CASKIN1: variants seen among roughly 807,000 people sequenced by gnomAD.
The protein encoded by CASKIN1 is caskin-1.
A neutral mutation model predicts 117.5 loss-of-function variants in CASKIN1; 42 were observed. That is an observed-to-expected ratio of 0.36 (90% confidence interval 0.28 to 0.46). CASKIN1 has a LOEUF of 0.46. Ranked by LOEUF, CASKIN1 falls within the 20% of genes least tolerant of loss-of-function variation. CASKIN1 has a pLI of 1.00. For synonymous variants in CASKIN1, 1,148 were observed against 961.7 expected (o/e 1.19, Z -3.59); for missense variants, 2,083 against 2,077.3 (o/e 1.00, Z -0.05).
At chr16:2,195,508 T>C (rs1424695935) in intron 1 of CASKIN1, among the ~76,000 whole-genome samples, 1 of 152,146 alleles carries the variant, frequency 6.6e-6, no homozygotes, top group Non-Finnish European at 1.5e-5. Context: ...CATCCATCCA[T>C]CTCCGGCGGC....
rs747947775 is a variant in CASKIN1, at chr16:2,180,594, C to T, written c.2774G>A (p.Gly925Asp). The part of the protein sequence containing the change: ...GRSHSVRAPA[G>D]ADKNVNRSQS... The stretch of plus-strand genomic sequence containing the variant: ...GCTGCGGTTGACGTTCTTGTCGGCA[C>T]CTGCGGGCGCCCTCACTGAGTGGCT... The change falls in exon 18 of 20, where the codon GGT becomes GAT. Residue 925 changes from glycine to aspartate, a missense_variant. Physicochemically the swap from Gly to Asp is moderately conservative, Grantham distance 94 (BLOSUM62 -1). Transcript: ENST00000343516. 3.8e-6 allele frequency: 6 copies of T among 1,572,902 alleles called. No homozygotes were observed. The highest frequency in any genetic ancestry group is 1.8e-5 in the Admixed American group (1 of 55,990).
At position 2,179,990 on chromosome 16, in the gene CASKIN1, C is replaced by T; in HGVS notation, c.3378G>A (p.Arg1126=). The stretch of plus-strand genomic sequence containing the variant: ...GCTGGTTCTGCTTGGCCCGGATGCG[C>T]CTCTTGAGTGTGGCGCTGGCTTCCA... The part of the protein sequence containing the change: ...AKVEASATLK[R]RIRAKQNQQE... Residue 1126 remains arginine, a synonymous_variant, in exon 18 of 20, where the codon AGG becomes AGA. Coordinates refer to ENST00000343516, the MANE Select transcript of CASKIN1 (RefSeq NM_020764.4). The surrounding 1 kb of genome is among the most constrained non-coding windows in gnomAD (Gnocchi z 5.8). The T allele has an allele frequency of 6.2e-7, 1 of 1,605,020 alleles. No homozygotes were observed. The highest frequency in any genetic ancestry group is 1.1e-5 in the South Asian group (1 of 89,818).
Position 2,180,682 on chromosome 16 carries a change from C to A in CASKIN1, c.2686G>T (p.Asp896Tyr). Residue 896 changes from aspartate to tyrosine, a missense_variant, in exon 18 of 20, where the codon GAC becomes TAC. Asp to Tyr is a radical substitution (Grantham distance 160, BLOSUM62 -3). Transcript: ENST00000343516. ...GCAGCCGCAGGCACCAGCAGCTCGTCCCGCTCCGGCTCGCTGTCGGACGCC... is the reference window on the plus strand; with the variant it reads ...GCAGCCGCAGGCACCAGCAGCTCGTACCGCTCCGGCTCGCTGTCGGACGCC... ...YAASDSEPERDELLVPAAAGP... is the reference protein window; with the variant it reads ...YAASDSEPERYELLVPAAAGP... 6.6e-7 allele frequency: 1 copy of A among 1,507,924 alleles called. No individual in the cohort carries two copies. The allele number at this position is 1,507,924 out of a possible 1,614,324, so 93.4% of individuals were successfully genotyped here. A position where few individuals can be genotyped will look rare whatever the true frequency, so the allele number is the denominator to read the frequency against.
chr16:2,187,321 C>G (rs771491283), intron 7 of CASKIN1, 32 bp downstream of exon 7: 1 of 1,613,326 alleles, frequency 6.2e-7, no homozygotes, highest in South Asian at 1.1e-5. Context: ...CTACAGTCCA[C>G]TGGGCCCAGC....
chr16:2,178,522 G>GGC lies in CASKIN1; in HGVS notation c.*26_*27dup. 2 of 1,534,166 alleles carry GGC rather than the reference G, an allele frequency of 1.3e-6. No individual in the cohort carries two copies. The highest frequency in any genetic ancestry group is 1.7e-6 in the Non-Finnish European group (2 of 1,144,300). On this transcript the variant is annotated 3_prime_UTR_variant, in exon 20 of 20. Transcript: ENST00000343516. ...GTCAGTGTGCGGGGAGGGCCCGGGC[G>GGC]GCGCGGGAGGGCCCGGCCAGGCGGC...
intron 1 of CASKIN1, among the ~76,000 whole-genome samples, chr16:2,193,100 C>G (rs2141329873): frequency 6.6e-6 from 1 of 152,310 alleles, no homozygotes; most frequent in Admixed American, 6.5e-5. Context: ...TCACCACAAC[C>G]TCCACCTCCC....
At position 2,190,150 on chromosome 16, in the gene CASKIN1, G is replaced by A. The variant is rs768695493; in HGVS notation, c.167C>T (p.Ala56Val). ...DPDGFSALHH[A>V]ALNGNTELIS... ...CAATTCCGTGTTGCCGTTCAGGGCCGCATGGTGCAGAGCCGAGAAGCTGGC... is the reference window on the plus strand; with the variant it reads ...CAATTCCGTGTTGCCGTTCAGGGCCACATGGTGCAGAGCCGAGAAGCTGGC... Residue 56 changes from alanine to valine, a missense_variant, in exon 3 of 20, where the codon GCG (alanine) becomes GTG (valine). Transcript: ENST00000343516. The A allele has an allele frequency of 6.2e-7, 1 of 1,613,022 alleles. No individual in the cohort carries two copies. The highest frequency in any genetic ancestry group is 8.5e-7 in the Non-Finnish European group (1 of 1,179,930).
At position 2,178,451 on chromosome 16, in the gene CASKIN1, C is replaced by G. The variant is rs562249118; in HGVS notation, c.*99G>C. On this transcript the variant is annotated 3_prime_UTR_variant, in exon 20 of 20. Transcript: ENST00000343516. ...GGAGTTGTGCTTCTGCAGGGCCCTG[C>G]CCGGCCGCTCGCGCCGCGCCCAGAC... The G allele has an allele frequency of 3.6e-4, 347 of 951,856 alleles. 8 individuals carry two copies. In the South Asian group the frequency reaches 6.0e-3, roughly 16 times the overall value. 59.0% of individuals were successfully genotyped at this position (951,856 alleles called of 1,614,324 possible).
chr16:2,196,429 C>T lies in CASKIN1; in HGVS notation c.4G>A (p.Gly2Arg). The stretch of plus-strand genomic sequence containing the variant: ...GCCTGCACCAGCTCCTGCTCCTTCC[C>T]CATGGCGCGGCCGGGGCCGCAGCGA... M[G>R]KEQELVQAVK... The change falls in exon 1 of 20, where the codon GGG becomes AGG. Residue 2 changes from glycine (G) to arginine (R), a missense_variant. This residue lies in a region of CASKIN1 where 62 missense variants were observed against 49.7 expected (regional missense o/e 1.25). Coordinates refer to ENST00000343516, the MANE Select transcript of CASKIN1 (RefSeq NM_020764.4). This position sits in a 1 kb window ranked among gnomAD's most constrained non-coding sequence, Gnocchi z 5.7. 4 of 1,297,194 alleles carry T rather than the reference C, an allele frequency of 3.1e-6. No individual in the cohort carries two copies. The highest frequency in any genetic ancestry group is 1.7e-5 in the South Asian group (1 of 59,950). The allele number at this position is 1,297,194 out of a possible 1,614,324, so 80.4% of individuals were successfully genotyped here. A position where few individuals can be genotyped will look rare whatever the true frequency, so the allele number is the denominator to read the frequency against.
In CASKIN1 at chr16:2,180,948, G is replaced by T; in HGVS notation, c.2420C>A (p.Thr807Asn). 2 of 1,465,406 alleles carry T rather than the reference G, an allele frequency of 1.4e-6. No individual in the cohort carries two copies. 90.8% of individuals were successfully genotyped at this position (1,465,406 alleles called of 1,614,324 possible). A position where few individuals can be genotyped will look rare whatever the true frequency, so the allele number is the denominator to read the frequency against. ...PAPATAKVKPTPQLLPPTERP... is the reference protein window; with the variant it reads ...PAPATAKVKPNPQLLPPTERP... ...CTCTGTCGGCGGCAGCAGCTGCGGG[G>T]TGGGCTTCACCTTGGCCGTAGCTGG... The change falls in exon 18 of 20, where the codon ACC becomes AAC. Residue 807 changes from threonine (T) to asparagine (N), a missense_variant. Thr to Asn is a moderately conservative substitution (Grantham distance 65). Coordinates refer to ENST00000343516, the MANE Select transcript of CASKIN1 (RefSeq NM_020764.4).
chr16:2,178,217 A>C lies in CASKIN1; in HGVS notation c.*333T>G. The C allele has an allele frequency of 2.3e-6, 1 of 439,514 alleles. No homozygotes were observed. Among genetic ancestry groups the C allele is most frequent in the African/African-American group, 2.1e-5 (1 of 47,788 alleles). The allele number at this position is 439,514 out of a possible 1,614,324, so 27.2% of individuals were successfully genotyped here. A position where few individuals can be genotyped will look rare whatever the true frequency, so the allele number is the denominator to read the frequency against. Reference sequence around the variant, plus strand: ...CCCGAGCGGCTGGCCGGGCGTCCCGATGGGCAGTTCTGTGCTGGGCCCGGG... The same window carrying C: ...CCCGAGCGGCTGGCCGGGCGTCCCGCTGGGCAGTTCTGTGCTGGGCCCGGG... On this transcript the variant is annotated 3_prime_UTR_variant, in exon 20 of 20. Transcript: ENST00000343516.
chr16:2,189,886 G>T (rs940718387), intron 3 of CASKIN1, among the ~76,000 whole-genome samples, 187 bp downstream of exon 3: 3 of 151,914 alleles, frequency 2.0e-5, no homozygotes, highest in Non-Finnish European at 4.4e-5. Context: ...GGTTTGGGGG[G>T]TGCTAGGAGC....
At chr16:2,193,937 A>C (rs148527624) in intron 1 of CASKIN1, among the ~76,000 whole-genome samples, 1 of 152,258 alleles carries the variant, frequency 6.6e-6, no homozygotes, top group East Asian at 1.9e-4. Flanking sequence ...GGTTCTCTGG[A>C]TGAAGCAGGA....
At chr16:2,191,582 T>C (rs1198335265) in intron 1 of CASKIN1, among the ~76,000 whole-genome samples, 2 of 152,190 alleles carry the variant, frequency 1.3e-5, no homozygotes. Flanking sequence ...CGATTACTAA[T>C]ATTAGCCGTA....
chr16:2,190,794 G>A (rs1037988853), intron 1 of CASKIN1, among the ~76,000 whole-genome samples: 2 of 152,214 alleles, frequency 1.3e-5, no homozygotes, highest in Non-Finnish European at 2.9e-5. Context: ...TGGCCAGGGA[G>A]GCTGGAACAC....
At position 2,180,406 on chromosome 16, in the gene CASKIN1, C is replaced by T; in HGVS notation, c.2962G>A (p.Asp988Asn). ...CCCGTGTCCACGCTGCCGGCCAGGTCACTGGCCCGCCGGCACTGTGCCCGG... is the reference window on the plus strand; with the variant it reads ...CCCGTGTCCACGCTGCCGGCCAGGTTACTGGCCCGCCGGCACTGTGCCCGG... Reference protein sequence around the residue: ...GVRAQCRRASDLAGSVDTGSA... With the variant: ...GVRAQCRRASNLAGSVDTGSA... The change falls in exon 18 of 20, where the codon GAC (aspartate) becomes AAC (asparagine). Residue 988 changes from aspartate (D) to asparagine (N), a missense_variant. This residue lies in a region of CASKIN1 where 1,818 missense variants were observed against 1,688.9 expected (regional missense o/e 1.08). Transcript: ENST00000343516. 6.3e-7 allele frequency: 1 copy of T among 1,576,502 alleles called. No individual in the cohort carries two copies. Among genetic ancestry groups the T allele is most frequent in the East Asian group, 2.3e-5 (1 of 43,122 alleles).
At position 2,185,410 on chromosome 16, in the gene CASKIN1, T is replaced by C. The variant is rs1213249805; in HGVS notation, c.1049-2A>G. ...TTGGTTCAGTGCCTGCTCGGGAACC[T>C]GTGGGTCAAGCAAAGCCTCCTAAGT... On this transcript the variant is annotated splice_acceptor_variant, in intron 10 of 19. Transcript: ENST00000343516. LOFTEE classifies it high-confidence loss of function. The C allele has an allele frequency of 6.3e-7, 1 of 1,599,002 alleles. No individual in the cohort carries two copies. The highest frequency in any genetic ancestry group is 8.5e-7 in the Non-Finnish European group (1 of 1,172,102).
At chr16:2,178,832 AT>A in intron 19 of CASKIN1, 69 bp downstream of exon 19, 1 of 1,224,270 alleles carries the variant, frequency 8.2e-7, no homozygotes, top group Non-Finnish European at 1.1e-6. Context: ...AGCCCCGCCC[AT>A]CTCTGCCGAG....
Position 2,180,392 on chromosome 16 carries a change from G to T in CASKIN1, c.2976C>A (p.Ser992Arg). The T allele has an allele frequency of 6.3e-7, 1 of 1,583,030 alleles. No homozygotes were observed. Among genetic ancestry groups the T allele is most frequent in the South Asian group, 1.1e-5 (1 of 88,756 alleles). The change falls in exon 18 of 20, where the codon AGC (serine) becomes AGA (arginine). Residue 992 changes from serine (S) to arginine (R), a missense_variant. Ser to Arg is a moderately radical substitution (Grantham distance 110, BLOSUM62 -1). Coordinates refer to ENST00000343516, the MANE Select transcript of CASKIN1 (RefSeq NM_020764.4). Reference sequence around the variant, plus strand: ...CACTGCCGGCACTACCCGTGTCCACGCTGCCGGCCAGGTCACTGGCCCGCC... The same window carrying T: ...CACTGCCGGCACTACCCGTGTCCACTCTGCCGGCCAGGTCACTGGCCCGCC... ...QCRRASDLAG[S>R]VDTGSAGSVK...
Sources: allele counts gnomAD v4.1 joint callset (sites outside exome capture counted in the v4.1 genomes callset), GRCh38; gene constraint gnomAD v4.1.1; regional missense constraint gnomAD v4.1.1; non-coding constraint Gnocchi (gnomAD v3.1); transcripts MANE v1.5; gene names NCBI Gene and HGNC (gene_info 2026-07-23, HGNC 2026-07-21).